Variants in GRWD1 observed in about 807,000 individuals in gnomAD.
The protein encoded by GRWD1 is glutamate-rich WD repeat-containing protein 1.
A neutral mutation model predicts 45.3 loss-of-function variants in GRWD1; 29 were observed. The ratio of observed to expected loss-of-function variants is 0.64; its 90% CI spans 0.48 to 0.87. GRWD1 has a LOEUF of 0.87. GRWD1 is among the 40% of genes least tolerant of loss of function. The probability of loss-of-function intolerance (pLI) is 0.00; values close to 1 mark genes in which losing one functional copy is unlikely to be tolerated. For synonymous variants in GRWD1, 262 were observed against 257.6 expected (o/e 1.02, Z -0.16); for missense variants, 592 against 618.8 (o/e 0.96, Z 0.46).
rs1357416697 is a variant in GRWD1, at chr19:48,450,236, T to A, written c.469-77T>A. On this transcript the variant is annotated intron_variant, in intron 3 of 6. Coordinates refer to ENST00000253237, the MANE Select transcript of GRWD1 (RefSeq NM_031485.4). This position sits in a 1 kb window ranked among gnomAD's most constrained non-coding sequence, Gnocchi z 5.1. Reference sequence around the variant, plus strand: ...AGCGCACTTCTGGTTCTCTGGGATATGGGGAGCGTGGGGTCAGTGCCTTGA... The same window carrying A: ...AGCGCACTTCTGGTTCTCTGGGATAAGGGGAGCGTGGGGTCAGTGCCTTGA... 8.9e-7 allele frequency: 1 copy of A among 1,127,050 alleles called. No homozygotes were observed. Among genetic ancestry groups the A allele is most frequent in the East Asian group, 2.6e-5 (1 of 38,940 alleles). 69.8% of individuals were successfully genotyped at this position (1,127,050 alleles called of 1,614,324 possible). A position where few individuals can be genotyped will look rare whatever the true frequency, so the allele number is the denominator to read the frequency against.
chr19:48,446,605 A>T, intron 2 of GRWD1, 76 bp from the exon 3 acceptor site: 1 of 1,553,982 alleles, frequency 6.4e-7, no homozygotes. Context: ...CAGATCCAGG[A>T]GTCTGGGTTT....
At position 48,456,949 on chromosome 19, in the gene GRWD1, C is replaced by G. The variant is rs1174387229; in HGVS notation, c.*3924C>G. The G allele has an allele frequency of 6.6e-6, 1 of 151,540 alleles. No individual in the cohort carries two copies. The highest frequency in any genetic ancestry group is 1.5e-5 in the Non-Finnish European group (1 of 68,002). 9.4% of individuals were successfully genotyped at this position (151,540 alleles called of 1,614,324 possible). On this transcript the variant is annotated 3_prime_UTR_variant, in exon 7 of 7. Transcript: ENST00000253237. The stretch of plus-strand genomic sequence containing the variant: ...ACGCATTCCTCCTGAGTTGGACTCC[C>G]AAAGTGCTAGGATTACAGGTGTGAG...
intron 3 of GRWD1, among the ~76,000 whole-genome samples, chr19:48,449,971 CCTT>C (rs369377330): frequency 1.3e-5 from 2 of 151,990 alleles, no homozygotes; most frequent in African/African-American, 4.8e-5. Flanking sequence ...AGTCTTGTGG[CCTT>C]CTAGCATTTA....
In GRWD1 at chr19:48,451,247, G is replaced by A; in HGVS notation, c.1023+16G>A. 1 of 1,554,112 alleles carries A rather than the reference G, an allele frequency of 6.4e-7. No homozygotes were observed. The highest frequency in any genetic ancestry group is 8.7e-7 in the Non-Finnish European group (1 of 1,145,426). ...GCAGTTCAAGGTATTTTCCCAGCCG[G>A]ACACCTGGGGGCTAGAGAAGCTTGC... On this transcript the variant is annotated intron_variant, in intron 6 of 6. Coordinates refer to ENST00000253237, the MANE Select transcript of GRWD1 (RefSeq NM_031485.4).
rs1327138975 is a variant in GRWD1, at chr19:48,456,211, C to G, written c.*3186C>G. On this transcript the variant is annotated 3_prime_UTR_variant, in exon 7 of 7. Coordinates refer to ENST00000253237, the MANE Select transcript of GRWD1 (RefSeq NM_031485.4). ...CAGTGTCAGTGCCCACCTGCCCCCC[C>G]AGCCCACGGGGGTGGTTCCTGAGGG... 1 of 152,386 alleles carries G rather than the reference C, an allele frequency of 6.6e-6. No individual in the cohort carries two copies. The highest frequency in any genetic ancestry group is 1.5e-5 in the Non-Finnish European group (1 of 68,222). 9.4% of individuals were successfully genotyped at this position (152,386 alleles called of 1,614,324 possible). A position where few individuals can be genotyped will look rare whatever the true frequency, so the allele number is the denominator to read the frequency against.
At position 48,450,334 on chromosome 19, in the gene GRWD1, C is replaced by T; in HGVS notation, c.490C>T (p.Pro164Ser). 6.2e-7 allele frequency: 1 copy of T among 1,612,382 alleles called. No individual in the cohort carries two copies. The highest frequency in any genetic ancestry group is 8.5e-7 in the Non-Finnish European group (1 of 1,179,690). Residue 164 changes from proline (P) to serine (S), a missense_variant, in exon 4 of 7, where the codon CCT becomes TCT. Coordinates refer to ENST00000253237, the MANE Select transcript of GRWD1 (RefSeq NM_031485.4). This position sits in a 1 kb window ranked among gnomAD's most constrained non-coding sequence, Gnocchi z 5.1. ...RVRVSWLGEE[P>S]VAGVWSEKGQ... ...GCAGGTGTCATGGCTGGGTGAAGAG[C>T]CTGTGGCTGGGGTGTGGTCAGAGAA...
chr19:48,452,570 C>G lies in GRWD1; in HGVS notation c.1024-138C>G. The G allele has an allele frequency of 1.4e-6, 1 of 706,636 alleles. No homozygotes were observed. Among genetic ancestry groups the G allele is most frequent in the East Asian group, 2.7e-5 (1 of 37,586 alleles). 43.8% of individuals were successfully genotyped at this position (706,636 alleles called of 1,614,324 possible). A position where few individuals can be genotyped will look rare whatever the true frequency, so the allele number is the denominator to read the frequency against. On this transcript the variant is annotated intron_variant, in intron 6 of 6. Coordinates refer to ENST00000253237, the MANE Select transcript of GRWD1 (RefSeq NM_031485.4). This position sits in a 1 kb window ranked among gnomAD's most constrained non-coding sequence, Gnocchi z 5.1. ...AATTACCCTGTGTCCCTTTCCTGGA[C>G]TCTGGGCTTGTGAGGGCTTAAGGGG...
At position 48,453,071 on chromosome 19, in the gene GRWD1, T is replaced by C; in HGVS notation, c.*46T>C. On this transcript the variant is annotated 3_prime_UTR_variant, in exon 7 of 7. Coordinates refer to ENST00000253237, the MANE Select transcript of GRWD1 (RefSeq NM_031485.4). ...CTTGCTTCCTGCTTGGAAACTGAAG[T>C]CGAATTGGGCTCCCCTGGAAGGGGT... is the stretch of plus-strand genomic sequence containing the variant. 1 of 1,513,920 alleles carries C rather than the reference T, an allele frequency of 6.6e-7. No individual in the cohort carries two copies. 93.8% of individuals were successfully genotyped at this position (1,513,920 alleles called of 1,614,324 possible).
In GRWD1 at chr19:48,450,165, C is replaced by T. The variant is rs1024246401; in HGVS notation, c.469-148C>T. The stretch of plus-strand genomic sequence containing the variant: ...TTTGCAGGTTGTGATTTTCTTCCCA[C>T]AGAGGTTTCAAGGAGCTGTAGTCCC... On this transcript the variant is annotated intron_variant, in intron 3 of 6. Transcript: ENST00000253237. This position sits in a 1 kb window ranked among gnomAD's most constrained non-coding sequence, Gnocchi z 5.1. 2 of 649,110 alleles carry T rather than the reference C, an allele frequency of 3.1e-6. No homozygotes were observed. Among genetic ancestry groups the T allele is most frequent in the African/African-American group, 3.6e-5 (2 of 55,134 alleles). The allele number at this position is 649,110 out of a possible 1,614,324, so 40.2% of individuals were successfully genotyped here.
chr19:48,452,524 G>C lies in GRWD1; in HGVS notation c.1024-184G>C, dbSNP rs1971487174. 6.6e-6 allele frequency among the ~76,000 whole-genome samples: 1 copy of C among 152,174 alleles called. No homozygotes were observed. The highest frequency in any genetic ancestry group is 1.5e-5 in the Non-Finnish European group (1 of 68,016). On this transcript the variant is annotated intron_variant, in intron 6 of 6. Transcript: ENST00000253237. The surrounding 1 kb of genome is among the most constrained non-coding windows in gnomAD (Gnocchi z 5.1). ...ACAGTTCCCAGCAACCCCTGGGCTG[G>C]TCAGCCTTCTTAGCAGCCAGAATTA...
chr19:48,448,102 C>CTGTGCT, intron 3 of GRWD1, among the ~76,000 whole-genome samples: 1 of 152,242 alleles, frequency 6.6e-6, no homozygotes, highest in Admixed American at 6.5e-5. Flanking sequence ...CAAGTGCACA[C>CTGTGCT]CACCATGCCC....
chr19:48,451,216 CCTTCGGCAG>C lies in GRWD1; in HGVS notation c.1009_1017del (p.Leu337_Gln339del), dbSNP rs1241616631. On this transcript the variant is annotated inframe_deletion, in exon 6 of 7. Transcript: ENST00000253237. ...ATGATGGGGCCCTCAAGATCTGGGA[CCTTCGGCAG>C]TTCAAGGTATTTTCCCAGCCGGACA... 12 of 1,595,832 alleles carry C rather than the reference CCTTCGGCAG, an allele frequency of 7.5e-6. No homozygotes were observed. The highest frequency in any genetic ancestry group is 1.3e-5 in the African/African-American group (1 of 74,414).
Position 48,453,029 on chromosome 19 carries a change from G to A in GRWD1, c.*4G>A, listed in dbSNP as rs747893188. ...CTTCCGCACCATCAGCGTCTGAGGC[G>A]TCCCACTGGCTCTGATCTTGCTTCC... On this transcript the variant is annotated 3_prime_UTR_variant, in exon 7 of 7. Coordinates refer to ENST00000253237, the MANE Select transcript of GRWD1 (RefSeq NM_031485.4). 8.2e-5 allele frequency: 128 copies of A among 1,570,228 alleles called. No homozygotes were observed. The highest frequency in any genetic ancestry group is 9.7e-5 in the Non-Finnish European group (112 of 1,153,668).
intron 3 of GRWD1, among the ~76,000 whole-genome samples, chr19:48,448,153 G>C (rs1323848275): frequency 1.3e-5 from 2 of 152,148 alleles, no homozygotes; most frequent in Non-Finnish European, 2.9e-5. Context: ...GTCTCATTAT[G>C]TTGGCCAGGC....
In GRWD1 at chr19:48,453,072, C is replaced by A; in HGVS notation, c.*47C>A. 1 of 1,509,020 alleles carries A rather than the reference C, an allele frequency of 6.6e-7. No individual in the cohort carries two copies. The highest frequency in any genetic ancestry group is 1.3e-5 in the South Asian group (1 of 79,722). 93.5% of individuals were successfully genotyped at this position (1,509,020 alleles called of 1,614,324 possible). A position where few individuals can be genotyped will look rare whatever the true frequency, so the allele number is the denominator to read the frequency against. ...TTGCTTCCTGCTTGGAAACTGAAGT[C>A]GAATTGGGCTCCCCTGGAAGGGGTT... On this transcript the variant is annotated 3_prime_UTR_variant, in exon 7 of 7. Coordinates refer to ENST00000253237, the MANE Select transcript of GRWD1 (RefSeq NM_031485.4).
chr19:48,450,298 A>C lies in GRWD1; in HGVS notation c.469-15A>C, dbSNP rs1455044705. On this transcript the variant is annotated splice_polypyrimidine_tract_variant and intron_variant, in intron 3 of 6. Transcript: ENST00000253237. The surrounding 1 kb of genome is among the most constrained non-coding windows in gnomAD (Gnocchi z 5.1). Reference sequence around the variant, plus strand: ...CCTCGCTTCACATCACCCTTCCCCCACCGCTCTTCTGCAGGTGTCATGGCT... The same window carrying C: ...CCTCGCTTCACATCACCCTTCCCCCCCCGCTCTTCTGCAGGTGTCATGGCT... 1 of 1,601,216 alleles carries C rather than the reference A, an allele frequency of 6.2e-7. No homozygotes were observed. The highest frequency in any genetic ancestry group is 8.5e-7 in the Non-Finnish European group (1 of 1,173,830).
Position 48,450,935 on chromosome 19 carries a change from G to A in GRWD1, c.826-99G>A. Reference sequence around the variant, plus strand: ...GGTTTAGTTTCCAGGCCAAGTCATAGTAAGGGGAACAGTGAAAGAGAGAGT... The same window carrying A: ...GGTTTAGTTTCCAGGCCAAGTCATAATAAGGGGAACAGTGAAAGAGAGAGT... On this transcript the variant is annotated intron_variant, in intron 5 of 6. Coordinates refer to ENST00000253237, the MANE Select transcript of GRWD1 (RefSeq NM_031485.4). This position sits in a 1 kb window ranked among gnomAD's most constrained non-coding sequence, Gnocchi z 5.1. The A allele has an allele frequency of 6.6e-7, 1 of 1,508,028 alleles. No individual in the cohort carries two copies. Among genetic ancestry groups the A allele is most frequent in the South Asian group, 1.2e-5 (1 of 83,056 alleles). 93.4% of individuals were successfully genotyped at this position (1,508,028 alleles called of 1,614,324 possible).
intron 3 of GRWD1, among the ~76,000 whole-genome samples, chr19:48,449,555 G>A (rs1371474571): frequency 6.6e-6 from 1 of 152,206 alleles, no homozygotes. Flanking sequence ...TGGCACAGTG[G>A]CTGATGCCTG....
rs1601006214 is a variant in GRWD1 at position 48,452,958 on chromosome 19, A to G, written c.1274A>G (p.Gln425Arg). ...TELKELHWHP[Q>R]CPGLLVSTAL... ...CTGAAGGAGCTGCACTGGCACCCGCAGTGCCCAGGGCTCCTGGTCAGCACG... is the reference window on the plus strand; with the variant it reads ...CTGAAGGAGCTGCACTGGCACCCGCGGTGCCCAGGGCTCCTGGTCAGCACG... Residue 425 changes from glutamine to arginine, a missense_variant, in exon 7 of 7, where the codon CAG (glutamine) becomes CGG (arginine). Transcript: ENST00000253237. The surrounding 1 kb of genome is among the most constrained non-coding windows in gnomAD (Gnocchi z 5.1). 5 of 1,612,042 alleles carry G rather than the reference A, an allele frequency of 3.1e-6. No homozygotes were observed. The East Asian group carries it at 8.9e-5, about 29-fold the overall frequency.
Sources: gnomAD v4.1 joint callset for allele counts (sites outside exome capture counted in the v4.1 genomes callset) on GRCh38, gnomAD v4.1.1 for gene constraint, Gnocchi (gnomAD v3.1) non-coding constraint, MANE v1.5 for transcripts, NCBI Gene and HGNC (gene_info 2026-07-23, HGNC 2026-07-21) for gene names.